The following HEATR1 variants were observed in gnomAD, a reference collection of about 807,000 sequenced individuals.
The protein encoded by HEATR1 is HEAT repeat containing 1, also known as HEAT repeat-containing protein 1.
HEATR1 carries 77 observed loss-of-function variants against 248.2 expected under a neutral mutation model. That is an observed-to-expected ratio of 0.31 (90% CI 0.26 to 0.37). The LOEUF is 0.37. Ranked by LOEUF, HEATR1 falls within the 10% of genes least tolerant of loss-of-function variation. The probability of loss-of-function intolerance (pLI) is 1.00; values close to 1 mark genes in which losing one functional copy is unlikely to be tolerated. For synonymous variants in HEATR1, 897 were observed against 923.1 expected (o/e 0.97, Z 0.51); for missense variants, 2,420 against 2,504.9 (o/e 0.97, Z 0.72).
rs539850666 is a variant in HEATR1 at position 236,578,363 on chromosome 1, G to C, written c.2756-1414C>G. Among the ~76,000 whole-genome samples, 469 of 152,222 alleles carry C rather than the reference G, an allele frequency of 3.1e-3. 1 individual carries two copies. Among genetic ancestry groups the C allele is most frequent in the South Asian group, 0.012 (56 of 4,824 alleles). ...ATTTGAAACTTGTCTATTTCTGCCG[G>C]CTAGTACTTCTAGAATCATGTTCAA... On this transcript the variant is annotated intron_variant, in intron 20 of 44. Coordinates refer to ENST00000366582, the MANE Select transcript of HEATR1 (RefSeq NM_018072.6).
At position 236,569,062 on chromosome 1, in the gene HEATR1, T is replaced by C. The variant is rs767236639; in HGVS notation, c.4011A>G (p.Leu1337=). The change falls in exon 29 of 45, where the codon CTA becomes CTG. Residue 1337 remains leucine, a synonymous_variant. Coordinates refer to ENST00000366582, the MANE Select transcript of HEATR1 (RefSeq NM_018072.6). ...FTFMGANVMR[L]DDTYSFQVIN... is the part of the protein sequence containing the mutation. ...TAACTTGAAAACTGTAAGTATCATC[T>C]AGGCGCATGACATTGGCTCCCATAA... 1.2e-6 allele frequency: 2 copies of C among 1,609,974 alleles called. No individual in the cohort carries two copies. Among genetic ancestry groups the C allele is most frequent in the Non-Finnish European group, 1.7e-6 (2 of 1,177,640 alleles).
chr1:236,552,986 G>A (rs947490816), intron 43 of HEATR1: 1 of 152,172 alleles, frequency 6.6e-6, no homozygotes, highest in African/African-American at 2.4e-5. Context: ...ATAAAATTCT[G>A]CTTTGGTCTG....
intron 19 of HEATR1, among the ~76,000 whole-genome samples, 180 bp downstream of exon 19, chr1:236,582,556 C>T (rs558017696): frequency 1.3e-5 from 2 of 152,166 alleles, no homozygotes; most frequent in African/African-American, 4.8e-5. Context: ...GGCCCCATCA[C>T]CATGCCTGGC....
chr1:236,579,258 C>T (rs1016598094), intron 20 of HEATR1, among the ~76,000 whole-genome samples: 1 of 152,174 alleles, frequency 6.6e-6, no homozygotes, highest in Non-Finnish European at 1.5e-5. Flanking sequence ...ACCCTCCCAG[C>T]CCCCTGCAGC....
At chr1:236,577,756 G>A (rs1431742753) in intron 20 of HEATR1, among the ~76,000 whole-genome samples, 1 of 152,066 alleles carries the variant, frequency 6.6e-6, no homozygotes, top group Non-Finnish European at 1.5e-5. Flanking sequence ...CCAAAGTGCT[G>A]GGATTATAGG....
intron 29 of HEATR1, among the ~76,000 whole-genome samples, chr1:236,568,493 G>C (rs1663332105): frequency 6.6e-6 from 1 of 152,136 alleles, no homozygotes; most frequent in Non-Finnish European, 1.5e-5. Flanking sequence ...TTTAACTTTT[G>C]AATTGTTCAT....
At chr1:236,597,246 T>C (rs931627602) in intron 5 of HEATR1, among the ~76,000 whole-genome samples, 2 of 89,650 alleles carry the variant, frequency 2.2e-5, no homozygotes, top group South Asian at 3.1e-4. Flanking sequence ...ACATTTTTAT[T>C]TAAAAAAAAA....
intron 25 of HEATR1, 49 bp from the exon 26 acceptor site, chr1:236,572,603 G>A: frequency 6.2e-7 from 1 of 1,609,700 alleles, no homozygotes; most frequent in Non-Finnish European, 8.5e-7. Flanking sequence ...TCTATCATGT[G>A]CTAAGTAAAA....
chr1:236,602,794 G>A (rs368707406), intron 3 of HEATR1: 2 of 188,040 alleles, frequency 1.1e-5, no homozygotes. Context: ...CATTATGGCA[G>A]GTGCCTGTAA....
At chr1:236,593,275 C>A (rs1380339266) in intron 9 of HEATR1, among the ~76,000 whole-genome samples, 1 of 151,744 alleles carries the variant, frequency 6.6e-6, no homozygotes, top group Non-Finnish European at 1.5e-5. Flanking sequence ...AGGCAACATT[C>A]AGTAAGCCCT....
chr1:236,594,536 A>C (rs1389128695), intron 8 of HEATR1, among the ~76,000 whole-genome samples: 1 of 152,210 alleles, frequency 6.6e-6, no homozygotes. Flanking sequence ...AAACATATGA[A>C]TCTGATCTTA....
At chr1:236,576,465 T>C in intron 21 of HEATR1, 88 bp from the exon 22 acceptor site, 2 of 950,728 alleles carry the variant, frequency 2.1e-6, no homozygotes, top group South Asian at 1.9e-5. Context: ...CTTACCCAAA[T>C]GATGTGACAT....
rs778592048 is a variant in HEATR1, at chr1:236,554,618, T to C, written c.6058A>G (p.Met2020Val). 6 of 1,611,928 alleles carry C rather than the reference T, an allele frequency of 3.7e-6. No homozygotes were observed. The highest frequency in any genetic ancestry group is 2.7e-5 in the African/African-American group (2 of 74,820). ...FISKERAEAL[M>V]MPLVDQLENR... ...GTTACCTGATCCACCAGAGGCATCA[T>C]CAAGGCTTCTGCTCTCTCTTTACTT... is the stretch of plus-strand genomic sequence containing the variant. Residue 2020 changes from methionine to valine, a missense_variant, in exon 42 of 45, where the codon ATG becomes GTG. Met to Val is a conservative substitution (Grantham distance 21). Transcript: ENST00000366582.
At chr1:236,551,935 T>C (rs1572028293) in intron 44 of HEATR1, 64 bp downstream of exon 44, 1 of 1,118,240 alleles carries the variant, frequency 8.9e-7, no homozygotes, top group East Asian at 2.4e-5. Flanking sequence ...TTGGGCACAT[T>C]TTCACAGAAT....
In HEATR1 at chr1:236,571,372, G is replaced by A. The variant is rs149030299; in HGVS notation, c.3927C>T (p.Gly1309=). 6.8e-5 allele frequency: 109 copies of A among 1,600,612 alleles called. No homozygotes were observed. In the East Asian group the frequency reaches 2.3e-3, roughly 33 times the overall value. Residue 1309 remains glycine, a synonymous_variant, in exon 28 of 45, where the codon GGC becomes GGT. Coordinates refer to ENST00000366582, the MANE Select transcript of HEATR1 (RefSeq NM_018072.6). ...TTACCGGAAATATTCCAGCAACAGT[G>A]CCCAAAAGTAAAAGGGCATGGTGAT... ...QTHHHALLLL[G]TVAGIFPDKV...
Position 236,555,621 on chromosome 1 carries a change from C to A in HEATR1, c.5684G>T (p.Cys1895Phe), listed in dbSNP as rs747794433. The A allele has an allele frequency of 1.9e-6, 3 of 1,614,088 alleles. No homozygotes were observed. The African/African-American group carries it at 4.0e-5, about 22-fold the overall frequency. ...CATGGCTACTAGACAGTCAATGATACAATTTTCCGTTTTTCCAACTTCCTC... is the reference window on the plus strand; with the variant it reads ...CATGGCTACTAGACAGTCAATGATAAAATTTTCCGTTTTTCCAACTTCCTC... ...DLEEVGKTEN[C>F]IIDCLVAMVV... The change falls in exon 40 of 45, where the codon TGT (cysteine) becomes TTT (phenylalanine). Residue 1895 changes from cysteine (C) to phenylalanine (F), a missense_variant. Cys to Phe is a radical substitution (Grantham distance 205). Coordinates refer to ENST00000366582, the MANE Select transcript of HEATR1 (RefSeq NM_018072.6).
intron 20 of HEATR1, 61 bp from the exon 21 acceptor site, chr1:236,577,010 T>C: frequency 7.6e-7 from 1 of 1,310,194 alleles, no homozygotes; most frequent in East Asian, 2.4e-5. Context: ...AGTACAAAAT[T>C]TACATAGTAC....
chr1:236,593,644 T>C (rs1268350722), intron 9 of HEATR1, among the ~76,000 whole-genome samples: 2 of 151,238 alleles, frequency 1.3e-5, no homozygotes, highest in African/African-American at 2.4e-5. Flanking sequence ...CCTTACTCTA[T>C]GCTTACCTTC....
rs1663420615 is a variant in HEATR1 at position 236,571,389 on chromosome 1, C to T, written c.3910G>A (p.Ala1304Thr). 6.2e-7 allele frequency: 1 copy of T among 1,610,400 alleles called. No individual in the cohort carries two copies. Among genetic ancestry groups the T allele is most frequent in the Non-Finnish European group, 8.5e-7 (1 of 1,179,230 alleles). The change falls in exon 28 of 45, where the codon GCC becomes ACC. Residue 1304 changes from alanine (A) to threonine (T), a missense_variant. Coordinates refer to ENST00000366582, the MANE Select transcript of HEATR1 (RefSeq NM_018072.6). ...GCAACAGTGCCCAAAAGTAAAAGGG[C>T]ATGGTGATGGGTCTGCGGCATCTCC... is the stretch of plus-strand genomic sequence containing the variant. ...LSEMPQTHHH[A>T]LLLLGTVAGI...
Sources: allele counts gnomAD v4.1 joint callset (sites outside exome capture counted in the v4.1 genomes callset), GRCh38; gene constraint gnomAD v4.1.1; transcripts MANE v1.5; gene names NCBI Gene and HGNC (gene_info 2026-07-23, HGNC 2026-07-21).